Variants in GPR158 observed in about 807,000 individuals in gnomAD.
GPR158 encodes the protein metabotropic glycine receptor.
Under a neutral mutation model 78.2 loss-of-function variants are expected in GPR158, and 30 were observed. The observed-to-expected ratio is 0.38, with a 90% confidence interval of 0.29 to 0.52. The LOEUF is 0.52. Ranked by LOEUF, GPR158 falls within the 20% of genes least tolerant of loss-of-function variation. GPR158 has a pLI of 0.83. For missense variants in GPR158, 1,463 were observed against 1,523.5 expected (o/e 0.96, Z 0.66); for synonymous variants, 581 against 591.1 (o/e 0.98, Z 0.25).
At chr10:25,382,564 G>T (rs1391631088) in intron 2 of GPR158, among the ~76,000 whole-genome samples, 2 of 151,950 alleles carry the variant, frequency 1.3e-5, no homozygotes, top group African/African-American at 4.8e-5. Context: ...TTTCTCCCTT[G>T]TGAAATACTG....
chr10:25,335,362 G>A (rs1855182357), intron 2 of GPR158, among the ~76,000 whole-genome samples: 2 of 151,986 alleles, frequency 1.3e-5, no homozygotes, highest in African/African-American at 4.8e-5. Flanking sequence ...GAAGTGATGC[G>A]ATAACAGCTC....
At chr10:25,502,616 A>T (rs1835956774) in intron 5 of GPR158, among the ~76,000 whole-genome samples, 1 of 152,152 alleles carries the variant, frequency 6.6e-6, no homozygotes, top group African/African-American at 2.4e-5. Context: ...AACTTGCAAA[A>T]AGTACAATGA....
At chr10:25,193,181 T>C (rs1409871503) in intron 1 of GPR158, among the ~76,000 whole-genome samples, 1 of 152,164 alleles carries the variant, frequency 6.6e-6, no homozygotes, top group Non-Finnish European at 1.5e-5. Flanking sequence ...TCATGGACTC[T>C]TGTGGGGATG....
chr10:25,576,514 T>C lies in GPR158; in HGVS notation c.1753+3627T>C, dbSNP rs564301173. On this transcript the variant is annotated intron_variant, in intron 7 of 10. Transcript: ENST00000376351. ...TGGAACTATGAAAAGAAAATGGGCA[T>C]TTTTAAAAGACATTAATTTTGAATA... 1.6e-3 allele frequency among the ~76,000 whole-genome samples: 248 copies of C among 152,312 alleles called. 2 individuals are homozygous for C. The highest frequency in any genetic ancestry group is 5.5e-3 in the African/African-American group (229 of 41,572).
At chr10:25,349,633 T>G (rs1855425884) in intron 2 of GPR158, among the ~76,000 whole-genome samples, 1 of 146,886 alleles carries the variant, frequency 6.8e-6, no homozygotes, top group Non-Finnish European at 1.5e-5. Context: ...TCTTCCATGA[T>G]TGTAAGTTTC....
rs139280093 is a variant in GPR158, at chr10:25,460,723, C to T, written c.1336-5928C>T. 2.4e-4 allele frequency among the ~76,000 whole-genome samples: 36 copies of T among 152,202 alleles called. No individual in the cohort carries two copies. In the East Asian group the frequency reaches 4.1e-3, roughly 17 times the overall value. ...GACATCTATTTAGTATGTATATGTA[C>T]ACAGACATACCTTGTTTTATTGTGC... On this transcript the variant is annotated intron_variant, in intron 4 of 10. Coordinates refer to ENST00000376351, the MANE Select transcript of GPR158 (RefSeq NM_020752.3).
chr10:25,506,804 T>C (rs887888510), intron 5 of GPR158, among the ~76,000 whole-genome samples: 10 of 152,220 alleles, frequency 6.6e-5, no homozygotes, highest in Non-Finnish European at 1.3e-4. Context: ...GGAGAGTATA[T>C]TTTTCTTATT....
At chr10:25,328,873 G>C (rs1855074642) in intron 2 of GPR158, among the ~76,000 whole-genome samples, 1 of 130,606 alleles carries the variant, frequency 7.7e-6, no homozygotes. Context: ...GTTGCAGTGA[G>C]ATGAGATTGC....
intron 2 of GPR158, among the ~76,000 whole-genome samples, chr10:25,284,444 GT>G (rs1854318820): frequency 6.6e-6 from 1 of 151,586 alleles, no homozygotes; most frequent in African/African-American, 2.4e-5. Context: ...GCCTATTCTA[GT>G]TTTGTTTTAA....
At chr10:25,569,273 T>G (rs1481693617) in intron 6 of GPR158, among the ~76,000 whole-genome samples, 1 of 152,170 alleles carries the variant, frequency 6.6e-6, no homozygotes. Context: ...TTTGATAATT[T>G]GGAAATGGGA....
chr10:25,329,441 A>AT (rs969325516), intron 2 of GPR158, among the ~76,000 whole-genome samples: 2 of 147,114 alleles, frequency 1.4e-5, no homozygotes, highest in African/African-American at 5.0e-5. Flanking sequence ...CTCCGTTTCA[A>AT]AAAAAAAAAA....
At chr10:25,591,782 A>T (rs1224784420) in intron 8 of GPR158, among the ~76,000 whole-genome samples, 1 of 152,134 alleles carries the variant, frequency 6.6e-6, no homozygotes, top group Non-Finnish European at 1.5e-5. Context: ...ACTGTGGTAT[A>T]TTGACTTTAA....
At chr10:25,402,469 C>T (rs824599) in intron 3 of GPR158, among the ~76,000 whole-genome samples, 62,214 of 151,748 alleles carry the variant, frequency 0.41, 14,463 homozygotes, top group Middle Eastern at 0.55. Flanking sequence ...ATTAAATTTC[C>T]AACTTTGATA....
chr10:25,598,517 C>A lies in GPR158; in HGVS notation c.2891C>A (p.Ala964Glu), dbSNP rs145592298. Residue 964 changes from alanine (A) to glutamate (E), a missense_variant, in exon 11 of 11, where the codon GCG (alanine) becomes GAG (glutamate). By Grantham distance (107) the Ala-to-Glu change is moderately radical (BLOSUM62 -1). Coordinates refer to ENST00000376351, the MANE Select transcript of GPR158 (RefSeq NM_020752.3). ...CCTGCCCCCCAAAACTCAAATCCTG[C>A]GGAGGAGCCAAGAAAGCCTCAGAAA... is the stretch of plus-strand genomic sequence containing the variant. ...KDPAPQNSNPAEEPRKPQKSG... is the reference protein window; with the variant it reads ...KDPAPQNSNPEEEPRKPQKSG... 6.2e-6 allele frequency: 10 copies of A among 1,612,974 alleles called. No individual in the cohort carries two copies. The highest frequency in any genetic ancestry group is 8.5e-6 in the Non-Finnish European group (10 of 1,179,694).
intron 4 of GPR158, among the ~76,000 whole-genome samples, chr10:25,449,351 T>C (rs892916452): frequency 2.0e-5 from 3 of 152,252 alleles, no homozygotes; most frequent in African/African-American, 7.2e-5. Flanking sequence ...TGGGATTTAT[T>C]ATCCTTGTCT....
At chr10:25,310,617 T>G (rs979006992) in intron 2 of GPR158, among the ~76,000 whole-genome samples, 1 of 152,152 alleles carries the variant, frequency 6.6e-6, no homozygotes, top group Non-Finnish European at 1.5e-5. Flanking sequence ...AAGAGCACTT[T>G]ATTTATTAGG....
intron 2 of GPR158, among the ~76,000 whole-genome samples, chr10:25,343,588 G>C (rs1453597697): frequency 6.6e-6 from 1 of 151,938 alleles, no homozygotes; most frequent in Non-Finnish European, 1.5e-5. Context: ...TTGTTCAGTA[G>C]TTTTTAAACT....
chr10:25,362,438 C>A (rs1187692730), intron 2 of GPR158, among the ~76,000 whole-genome samples: 1 of 151,688 alleles, frequency 6.6e-6, no homozygotes, highest in African/African-American at 2.4e-5. Context: ...TATTTGGGCT[C>A]CCTTGATATT....
chr10:25,418,851 G>T (rs1222696614), intron 4 of GPR158, among the ~76,000 whole-genome samples: 1 of 149,286 alleles, frequency 6.7e-6, no homozygotes, highest in Non-Finnish European at 1.5e-5. Context: ...AAAAAACATG[G>T]ACACACTGTA....
Sources: gnomAD v4.1 joint callset for allele counts (sites outside exome capture counted in the v4.1 genomes callset) on GRCh38, gnomAD v4.1.1 for gene constraint, MANE v1.5 for transcripts, NCBI Gene and HGNC (gene_info 2026-07-23, HGNC 2026-07-21) for gene names.